Variants in EPB41L1 observed in about 807,000 individuals in gnomAD.
EPB41L1 encodes band 4.1-like protein 1.
In EPB41L1, 29 loss-of-function variants were observed where a neutral mutation model predicts 97.8. That is an observed-to-expected ratio of 0.30 (90% CI 0.22 to 0.40). The LOEUF (loss-of-function observed/expected upper bound fraction) is 0.40. EPB41L1 is among the 10% of genes least tolerant of loss of function. The probability of loss-of-function intolerance (pLI) is 1.00; values close to 1 mark genes in which losing one functional copy is unlikely to be tolerated. For synonymous variants in EPB41L1, 383 were observed against 459.2 expected (o/e 0.83, Z 2.12); for missense variants, 812 against 1,162.3 (o/e 0.70, Z 4.38).
At chr20:36,194,447 T>G in intron 12 of EPB41L1, 87 bp downstream of exon 12, 5 of 1,509,422 alleles carry the variant, frequency 3.3e-6, no homozygotes, top group Non-Finnish European at 1.8e-6. Flanking sequence ...TTCACATGCC[T>G]CCAGCTGTGG....
Position 36,219,847 on chromosome 20 carries a change from G to GAGT in EPB41L1, c.2439+6_2439+8dup. ...CCACCACCACCCATGTCACCAAAGT[G>GAGT]AGTAGCAGCAGGGCGCCCCATGCCC... is the stretch of plus-strand genomic sequence containing the variant. On this transcript the variant is annotated splice_donor_region_variant and intron_variant, in intron 19 of 21. Transcript: ENST00000338074. 1.2e-6 allele frequency: 2 copies of GAGT among 1,614,144 alleles called. No individual in the cohort carries two copies. The highest frequency in any genetic ancestry group is 8.5e-7 in the Non-Finnish European group (1 of 1,179,944).
chr20:36,185,375 C>T (rs1303621592), intron 7 of EPB41L1, 40 bp downstream of exon 7: 3 of 1,568,678 alleles, frequency 1.9e-6, no homozygotes, highest in Non-Finnish European at 2.6e-6. Flanking sequence ...GGCTCCTTGG[C>T]CAGTGGGAGC....
chr20:36,103,425 G>A (rs979111023), intron 1 of EPB41L1, among the ~76,000 whole-genome samples: 3 of 152,116 alleles, frequency 2.0e-5, no homozygotes, highest in African/African-American at 7.2e-5. Flanking sequence ...GTGGATTGGA[G>A]GGAGGCCAAG....
At chr20:36,115,041 T>C (rs2058541164) in intron 2 of EPB41L1, among the ~76,000 whole-genome samples, 1 of 152,226 alleles carries the variant, frequency 6.6e-6, no homozygotes, top group African/African-American at 2.4e-5. Context: ...CCAACAATAA[T>C]AACAATAGCT....
chr20:36,105,321 G>A (rs2058154330), intron 1 of EPB41L1, among the ~76,000 whole-genome samples: 1 of 152,128 alleles, frequency 6.6e-6, no homozygotes, highest in Non-Finnish European at 1.5e-5. Flanking sequence ...TCCAGGGCTG[G>A]AGGACTTCAG....
At chr20:36,126,683 A>G (rs1464478185) in intron 2 of EPB41L1, among the ~76,000 whole-genome samples, 4 of 152,088 alleles carry the variant, frequency 2.6e-5, no homozygotes, top group Non-Finnish European at 5.9e-5. Context: ...TGTTTTGTGT[A>G]TTTATTCCAC....
Position 36,097,884 on chromosome 20 carries a change from A to G in EPB41L1, c.-65+6272A>G, listed in dbSNP as rs147369522. ...ATTAGGGACAGATCTGGTGCAGGCC[A>G]AAGAGCCTGAGCAAGTCCTGCAGAC... On this transcript the variant is annotated intron_variant, in intron 1 of 19. Transcript: ENST00000202028. Among the ~76,000 whole-genome samples the G allele has an allele frequency of 5.3e-5, 8 of 152,336 alleles. No homozygotes were observed. The East Asian group carries it at 1.2e-3, about 22-fold the overall frequency.
intron 21 of EPB41L1, among the ~76,000 whole-genome samples, chr20:36,227,942 G>C (rs2064273016): frequency 6.6e-6 from 1 of 152,176 alleles, no homozygotes; most frequent in African/African-American, 2.4e-5. Context: ...GGCAGCACTT[G>C]CCTAGCTTCC....
At chr20:36,199,065 TAAAG>T (rs2062357655) in intron 14 of EPB41L1, among the ~76,000 whole-genome samples, 1 of 152,180 alleles carries the variant, frequency 6.6e-6, no homozygotes, top group African/African-American at 2.4e-5. Flanking sequence ...CAAATCAGGA[TAAAG>T]AAAGCATGTT....
At position 36,128,005 on chromosome 20, in the gene EPB41L1, T is replaced by C. The variant is rs12106215; in HGVS notation, c.-10+15525T>C. Among the ~76,000 whole-genome samples the C allele has an allele frequency of 3.3e-3, 500 of 152,028 alleles. 9 individuals are homozygous for C. The highest frequency in any genetic ancestry group is 0.011 in the African/African-American group (473 of 41,450). ...AGGGTCAGAAGCCCGGGGGAACGAA[T>C]GATGGGTGCTTGTGTCTGTTGCAGG... is the stretch of plus-strand genomic sequence containing the variant. On this transcript the variant is annotated intron_variant, in intron 2 of 19. Coordinates refer to the EPB41L1 transcript ENST00000202028.
chr20:36,229,768 C>G lies in EPB41L1; in HGVS notation c.*428C>G, dbSNP rs1191878510. On this transcript the variant is annotated 3_prime_UTR_variant, in exon 22 of 22. Transcript: ENST00000338074. ...CCTCCCGCCCTGGTTCTGCACGTTA[C>G]AGTTAGCAGACGAGCAATTCCATTT... The G allele has an allele frequency of 1.3e-5, 2 of 157,428 alleles. No individual in the cohort carries two copies. The highest frequency in any genetic ancestry group is 6.4e-5 in the Admixed American group (1 of 15,742). 9.8% of individuals were successfully genotyped at this position (157,428 alleles called of 1,614,324 possible). A position where few individuals can be genotyped will look rare whatever the true frequency, so the allele number is the denominator to read the frequency against.
intron 2 of EPB41L1, among the ~76,000 whole-genome samples, chr20:36,145,247 C>T (rs377516460): frequency 7.9e-5 from 12 of 151,852 alleles, no homozygotes; most frequent in Admixed American, 1.3e-4. Flanking sequence ...AAAAATTAGC[C>T]GGTTGTGGTG....
At chr20:36,186,168 C>T (rs2061676232) in intron 7 of EPB41L1, among the ~76,000 whole-genome samples, 1 of 152,152 alleles carries the variant, frequency 6.6e-6, no homozygotes, top group Non-Finnish European at 1.5e-5. Flanking sequence ...CCAGATACTC[C>T]CCTTTGCCAT....
intron 21 of EPB41L1, among the ~76,000 whole-genome samples, chr20:36,227,021 A>G (rs1014928023): frequency 6.6e-6 from 1 of 152,184 alleles, no homozygotes; most frequent in Admixed American, 6.5e-5. Flanking sequence ...TTTCTACTCA[A>G]TTTTGACCAG....
chr20:36,178,817 G>C (rs528909340), intron 5 of EPB41L1, 145 bp downstream of exon 5: 3 of 921,676 alleles, frequency 3.3e-6, no homozygotes, highest in East Asian at 4.8e-5. Flanking sequence ...AACACTTTGC[G>C]AGGCTAAGGC....
At chr20:36,108,440 T>C (rs946810444) in intron 1 of EPB41L1, among the ~76,000 whole-genome samples, 1 of 151,912 alleles carries the variant, frequency 6.6e-6, no homozygotes, top group Non-Finnish European at 1.5e-5. Flanking sequence ...TTTGGGAGGC[T>C]GAGGCAGGCG....
rs373093232 is a variant in EPB41L1 at position 36,134,400 on chromosome 20, G to C, written c.-10+21920G>C. On this transcript the variant is annotated intron_variant, in intron 2 of 19. Coordinates refer to the EPB41L1 transcript ENST00000202028. ...CCTCAGTGTTCCCATGTACACGAGG[G>C]GTGGGATTCGATGGTATCCAAAGGC... Among the ~76,000 whole-genome samples the C allele has an allele frequency of 5.3e-5, 8 of 152,254 alleles. No homozygotes were observed. The East Asian group carries it at 1.5e-3, about 29-fold the overall frequency.
chr20:36,208,674 T>C (rs2062962435), intron 14 of EPB41L1, among the ~76,000 whole-genome samples: 1 of 152,214 alleles, frequency 6.6e-6, no homozygotes, highest in Non-Finnish European at 1.5e-5. Flanking sequence ...GGTTGGTCTT[T>C]AAAAAGAATG....
Position 36,209,377 on chromosome 20 carries a change from C to A in EPB41L1, c.1669-111C>A. 1 of 1,093,826 alleles carries A rather than the reference C, an allele frequency of 9.1e-7. No individual in the cohort carries two copies. Among genetic ancestry groups the A allele is most frequent in the Non-Finnish European group, 1.2e-6 (1 of 803,956 alleles). 67.8% of individuals were successfully genotyped at this position (1,093,826 alleles called of 1,614,324 possible). ...TCATTTCCTGGCCTGCTCTTCCATTCAGGATGTCGACACAGCCCCGAGATT... is the reference window on the plus strand; with the variant it reads ...TCATTTCCTGGCCTGCTCTTCCATTAAGGATGTCGACACAGCCCCGAGATT... On this transcript the variant is annotated intron_variant, in intron 14 of 21. Coordinates refer to ENST00000338074, the MANE Select transcript of EPB41L1 (RefSeq NM_012156.2). The surrounding 1 kb of genome is among the most constrained non-coding windows in gnomAD (Gnocchi z 4.2).
Sources: gnomAD v4.1 joint callset for allele counts (sites outside exome capture counted in the v4.1 genomes callset) on GRCh38, gnomAD v4.1.1 for gene constraint, Gnocchi (gnomAD v3.1) non-coding constraint, MANE v1.5 for transcripts, NCBI Gene and HGNC (gene_info 2026-07-23, HGNC 2026-07-21) for gene names.